GHR: variants seen among roughly 807,000 people sequenced by gnomAD.
GHR encodes GH receptor.
Under a neutral mutation model 67.1 loss-of-function variants are expected in GHR, and 35 were observed. The observed-to-expected ratio is 0.52, with a 90% CI of 0.40 to 0.69. GHR has a LOEUF of 0.69. Among genes scored for constraint, GHR ranks in the 30% least tolerant of loss-of-function variants. The pLI is 0.00. For missense variants in GHR, 792 were observed against 764.6 expected (o/e 1.04, Z -0.42); for synonymous variants, 272 against 269.1 (o/e 1.01, Z -0.10).
intron 1 of GHR, among the ~76,000 whole-genome samples, chr5:42,455,535 A>T (rs1480099054): frequency 6.6e-6 from 1 of 152,198 alleles, no homozygotes; most frequent in East Asian, 1.9e-4. Context: ...ACTTTCATGG[A>T]AATTTATTCC....
intron 1 of GHR, among the ~76,000 whole-genome samples, chr5:42,462,462 G>A (rs1744527634): frequency 6.6e-6 from 1 of 152,138 alleles, no homozygotes; most frequent in Non-Finnish European, 1.5e-5. Flanking sequence ...TTAGCTTTGA[G>A]TAATTTCCTT....
At chr5:42,560,288 G>C (rs1429307576) in intron 1 of GHR, among the ~76,000 whole-genome samples, 1 of 152,110 alleles carries the variant, frequency 6.6e-6, no homozygotes, top group Non-Finnish European at 1.5e-5. Flanking sequence ...CCGCCTCCTG[G>C]GTTCAAGCGA....
intron 3 of GHR, among the ~76,000 whole-genome samples, chr5:42,682,676 A>C (rs1414665717): frequency 1.3e-5 from 2 of 152,210 alleles, no homozygotes; most frequent in East Asian, 3.9e-4. Flanking sequence ...GGAGTCACCC[A>C]CTTTCTCACA....
chr5:42,603,587 T>C (rs776385694), intron 2 of GHR, among the ~76,000 whole-genome samples: 3 of 152,224 alleles, frequency 2.0e-5, no homozygotes, highest in Non-Finnish European at 4.4e-5. Context: ...AATCTGTTTT[T>C]GAGTTAGCTG....
At chr5:42,647,590 AG>A in intron 3 of GHR, 1 of 408,008 alleles carries the variant, frequency 2.5e-6, no homozygotes, top group Non-Finnish European at 4.7e-6. Context: ...AAAAAAAAAA[AG>A]TCAAGGGCCA....
intron 1 of GHR, among the ~76,000 whole-genome samples, chr5:42,513,147 G>A (rs1747092604): frequency 6.6e-6 from 1 of 152,178 alleles, no homozygotes; most frequent in Non-Finnish European, 1.5e-5. Flanking sequence ...AGTTGATTGA[G>A]CAAAATTTAG....
intron 2 of GHR, among the ~76,000 whole-genome samples, chr5:42,574,996 G>A (rs566032609): frequency 1.3e-5 from 2 of 152,222 alleles, no homozygotes; most frequent in African/African-American, 4.8e-5. Flanking sequence ...TTCTACAGTT[G>A]GTTGATAGAA....
intron 3 of GHR, among the ~76,000 whole-genome samples, chr5:42,658,176 C>T (rs943084999): frequency 2.0e-5 from 3 of 151,962 alleles, no homozygotes; most frequent in Non-Finnish European, 4.4e-5. Flanking sequence ...TCATAGAAAC[C>T]GATAAGTTTC....
rs748683510 is a variant in GHR, at chr5:42,625,752, A to T, written c.71-3286A>T. On this transcript the variant is annotated intron_variant, in intron 2 of 9. Transcript: ENST00000230882. Reference sequence around the variant, plus strand: ...AATGGAAAGGACTATTCAGGTTAAGATATGTTTCTTATTGGACCTAAAACT... The same window carrying T: ...AATGGAAAGGACTATTCAGGTTAAGTTATGTTTCTTATTGGACCTAAAACT... Among the ~76,000 whole-genome samples, 5 of 151,858 alleles carry T rather than the reference A, an allele frequency of 3.3e-5. No individual in the cohort carries two copies. In the East Asian group the frequency reaches 9.6e-4, roughly 29 times the overall value.
chr5:42,597,989 A>G (rs1752168424), intron 2 of GHR, among the ~76,000 whole-genome samples: 1 of 152,240 alleles, frequency 6.6e-6, no homozygotes, highest in Non-Finnish European at 1.5e-5. Flanking sequence ...GTCAGATAAT[A>G]CTAAAGAAAG....
chr5:42,667,388 A>T (rs1016880428), intron 3 of GHR, among the ~76,000 whole-genome samples: 20 of 152,020 alleles, frequency 1.3e-4, no homozygotes, highest in African/African-American at 4.3e-4. Flanking sequence ...TTTTCACAGA[A>T]CTCAGTATTT....
chr5:42,497,851 T>C (rs1392954039), intron 1 of GHR, among the ~76,000 whole-genome samples: 1 of 152,182 alleles, frequency 6.6e-6, no homozygotes, highest in Admixed American at 6.6e-5. Context: ...TGATTTGCAT[T>C]TCTATAGGTA....
intron 3 of GHR, among the ~76,000 whole-genome samples, chr5:42,632,738 T>A (rs1753990677): frequency 6.6e-6 from 1 of 152,166 alleles, no homozygotes; most frequent in Admixed American, 6.5e-5. Flanking sequence ...TATGCAAAGG[T>A]CAGCCCAGGG....
intron 1 of GHR, among the ~76,000 whole-genome samples, chr5:42,530,994 C>T (rs1561099858): frequency 6.6e-6 from 1 of 152,094 alleles, no homozygotes; most frequent in African/African-American, 2.4e-5. Context: ...TTTGGCTGGG[C>T]GCAGTGGCTC....
At chr5:42,666,531 ACT>A (rs1755988147) in intron 3 of GHR, among the ~76,000 whole-genome samples, 1 of 152,086 alleles carries the variant, frequency 6.6e-6, no homozygotes, top group Non-Finnish European at 1.5e-5. Context: ...GATATTTTTC[ACT>A]CTTTTTATTT....
chr5:42,495,806 A>G (rs1211060019), intron 1 of GHR, among the ~76,000 whole-genome samples: 2 of 152,182 alleles, frequency 1.3e-5, no homozygotes, highest in Admixed American at 1.3e-4. Context: ...ACAAGTCTCC[A>G]TTATACAAAT....
At chr5:42,481,645 A>G (rs956821242) in intron 1 of GHR, among the ~76,000 whole-genome samples, 3 of 151,726 alleles carry the variant, frequency 2.0e-5, no homozygotes, top group African/African-American at 7.3e-5. Flanking sequence ...ATCTTCCATC[A>G]CTGATACCCT....
At chr5:42,649,332 G>A (rs978735827) in intron 3 of GHR, among the ~76,000 whole-genome samples, 6 of 152,102 alleles carry the variant, frequency 3.9e-5, no homozygotes, top group Admixed American at 2.6e-4. Flanking sequence ...CCCAAAAGCT[G>A]AGATTCTTCA....
At chr5:42,542,600 G>A (rs892304751) in intron 1 of GHR, among the ~76,000 whole-genome samples, 1 of 152,030 alleles carries the variant, frequency 6.6e-6, no homozygotes, top group Non-Finnish European at 1.5e-5. Context: ...TGCAAAAATA[G>A]CTCCTTTAGG....
Sources: gnomAD v4.1 joint callset for allele counts (sites outside exome capture counted in the v4.1 genomes callset) on GRCh38, gnomAD v4.1.1 for gene constraint, MANE v1.5 for transcripts, NCBI Gene and HGNC (gene_info 2026-07-23, HGNC 2026-07-21) for gene names.